Variants in SYT9 observed in about 807,000 individuals in gnomAD.
The protein encoded by SYT9 is synaptotagmin 9.
In SYT9, 22 loss-of-function variants were observed where a neutral mutation model predicts 48.4. The ratio of observed to expected loss-of-function variants is 0.45; its 90% confidence interval spans 0.32 to 0.65. SYT9 has a LOEUF of 0.65. Among genes scored for constraint, SYT9 ranks in the 30% least tolerant of loss-of-function variants. SYT9 has a pLI of 0.03. For synonymous variants in SYT9, 265 were observed against 245.0 expected (o/e 1.08, Z -0.76); for missense variants, 577 against 622.0 (o/e 0.93, Z 0.77).
intron 3 of SYT9, among the ~76,000 whole-genome samples, chr11:7,335,390 G>C (rs1415504002): frequency 6.6e-6 from 1 of 152,080 alleles, no homozygotes. Flanking sequence ...ATAGGAGTTC[G>C]TTGTACAGAT....
intron 3 of SYT9, among the ~76,000 whole-genome samples, chr11:7,406,709 C>A (rs2134083276): frequency 6.6e-6 from 1 of 151,942 alleles, no homozygotes; most frequent in Non-Finnish European, 1.5e-5. Flanking sequence ...GGTTAAATAC[C>A]TGGTAGTGGC....
intron 3 of SYT9, among the ~76,000 whole-genome samples, chr11:7,384,331 G>A (rs1422340001): frequency 6.6e-6 from 1 of 152,010 alleles, no homozygotes; most frequent in Non-Finnish European, 1.5e-5. Flanking sequence ...GCATTTGGAT[G>A]TCTAATAGGC....
At chr11:7,394,716 G>A (rs941223166) in intron 3 of SYT9, among the ~76,000 whole-genome samples, 102 of 152,146 alleles carry the variant, frequency 6.7e-4, no homozygotes, top group African/African-American at 2.4e-3. Context: ...CTTTTCCTCT[G>A]CCAGCTCTGG....
intron 1 of SYT9, among the ~76,000 whole-genome samples, chr11:7,267,738 A>G (rs1848214537): frequency 6.6e-6 from 1 of 151,946 alleles, no homozygotes; most frequent in Non-Finnish European, 1.5e-5. Flanking sequence ...TAAAACCAAA[A>G]GAAGAAATTA....
At chr11:7,323,715 T>G (rs563789709) in intron 3 of SYT9, among the ~76,000 whole-genome samples, 1 of 152,052 alleles carries the variant, frequency 6.6e-6, no homozygotes, top group Non-Finnish European at 1.5e-5. Context: ...TTTTATACTT[T>G]TTATGAAAAC....
chr11:7,360,351 A>G (rs1850109577), intron 3 of SYT9, among the ~76,000 whole-genome samples: 1 of 152,142 alleles, frequency 6.6e-6, no homozygotes, highest in Non-Finnish European at 1.5e-5. Flanking sequence ...TTTTGGTTCC[A>G]TAAGAACTTT....
chr11:7,249,149 C>T (rs780116063), upstream of SYT9, among the ~76,000 whole-genome samples: 10 of 152,146 alleles, frequency 6.6e-5, no homozygotes, highest in Non-Finnish European at 1.3e-4. Context: ...ACAGTGACAT[C>T]GGGAATTAGG....
In SYT9 at chr11:7,407,688, A is replaced by G. The variant is rs1847048361; in HGVS notation, c.1045-8354A>G. ...AGCCACCGCGCCCGGCCTTAAGTCT[A>G]TAATTTATCTTCTGTTTATTTTTGT... On this transcript the variant is annotated intron_variant, in intron 3 of 6. Coordinates refer to ENST00000318881, the MANE Select transcript of SYT9 (RefSeq NM_175733.4). 2.6e-5 allele frequency among the ~76,000 whole-genome samples: 4 copies of G among 152,166 alleles called. No homozygotes were observed. The South Asian group carries it at 8.3e-4, about 32-fold the overall frequency.
chr11:7,418,709 C>T (rs963268919), intron 5 of SYT9, among the ~76,000 whole-genome samples: 3 of 152,150 alleles, frequency 2.0e-5, no homozygotes, highest in Non-Finnish European at 4.4e-5. Flanking sequence ...AGATGCTCAA[C>T]TTTTTAATTA....
intron 1 of SYT9, among the ~76,000 whole-genome samples, chr11:7,296,956 C>G (rs1296625310): frequency 6.6e-6 from 1 of 152,130 alleles, no homozygotes; most frequent in Non-Finnish European, 1.5e-5. Flanking sequence ...TCTCCATGGG[C>G]TGATTTTCTA....
chr11:7,381,883 A>G (rs915305229), intron 3 of SYT9, among the ~76,000 whole-genome samples: 1 of 152,200 alleles, frequency 6.6e-6, no homozygotes, highest in Non-Finnish European at 1.5e-5. Flanking sequence ...CGTGGTGGAT[A>G]TGAGATAGGA....
intron 6 of SYT9, chr11:7,440,049 C>T (rs1847800242): frequency 6.6e-6 from 1 of 152,186 alleles, no homozygotes; most frequent in Admixed American, 6.5e-5. Flanking sequence ...TATTATAGAA[C>T]ACCATAAGCA....
chr11:7,251,117 CA>C (rs2119746608), upstream of SYT9, among the ~76,000 whole-genome samples: 1 of 150,170 alleles, frequency 6.7e-6, no homozygotes, highest in Non-Finnish European at 1.5e-5. Context: ...CACACACACA[CA>C]CACACACACA....
intron 6 of SYT9, chr11:7,454,046 G>T (rs1223802863): frequency 1.0e-6 from 1 of 985,252 alleles, no homozygotes; most frequent in Non-Finnish European, 1.2e-6. Context: ...TCCCCACAGG[G>T]CAGGATACCA....
At chr11:7,406,332 C>T (rs1327102607) in intron 3 of SYT9, among the ~76,000 whole-genome samples, 1 of 151,986 alleles carries the variant, frequency 6.6e-6, no homozygotes, top group Non-Finnish European at 1.5e-5. Context: ...CACCCACACA[C>T]CCTTCCTACC....
intron 3 of SYT9, among the ~76,000 whole-genome samples, chr11:7,413,586 C>T (rs547281913): frequency 2.0e-5 from 3 of 152,294 alleles, no homozygotes; most frequent in African/African-American, 7.2e-5. Flanking sequence ...CAGCCAAACC[C>T]CCCGAGCAGG....
chr11:7,289,906 A>G (rs1361949516), intron 1 of SYT9, among the ~76,000 whole-genome samples: 1 of 152,262 alleles, frequency 6.6e-6, no homozygotes, highest in Non-Finnish European at 1.5e-5. Context: ...ATTATTTGCT[A>G]AAAGGAAATT....
intron 3 of SYT9, among the ~76,000 whole-genome samples, chr11:7,353,845 C>G (rs1254129181): frequency 6.6e-6 from 1 of 152,092 alleles, no homozygotes; most frequent in African/African-American, 2.4e-5. Context: ...TCTTGTTTAT[C>G]AATTATATTC....
In SYT9 at chr11:7,328,160, A is replaced by G. The variant is rs375840958; in HGVS notation, c.1044+14219A>G. Among the ~76,000 whole-genome samples, 7 of 151,842 alleles carry G rather than the reference A, an allele frequency of 4.6e-5. No individual in the cohort carries two copies. The East Asian group carries it at 1.2e-3, about 25-fold the overall frequency. On this transcript the variant is annotated intron_variant, in intron 3 of 6. Coordinates refer to ENST00000318881, the MANE Select transcript of SYT9 (RefSeq NM_175733.4). ...ATATTTCTATTTTTTTAACTTACAA[A>G]TTTCCTACATCCTTATATTTTAAGT...
Sources: gnomAD v4.1 joint callset for allele counts (sites outside exome capture counted in the v4.1 genomes callset) on GRCh38, gnomAD v4.1.1 for gene constraint, MANE v1.5 for transcripts, NCBI Gene and HGNC (gene_info 2026-07-23, HGNC 2026-07-21) for gene names.